Variants in FHIP2B observed in about 807,000 individuals in gnomAD.
The protein encoded by FHIP2B is FHF complex subunit HOOK interacting protein 2B.
A neutral mutation model predicts 84.0 loss-of-function variants in FHIP2B; 72 were observed. The observed-to-expected ratio is 0.86, with a 90% CI of 0.71 to 1.04. FHIP2B has a LOEUF of 1.04. FHIP2B is among the 50% of genes least tolerant of loss of function. FHIP2B has a pLI of 0.00. For synonymous variants in FHIP2B, 497 were observed against 418.7 expected (o/e 1.19, Z -2.28); for missense variants, 972 against 968.9 (o/e 1.00, Z -0.04).
At chr8:22,099,550 C>T (rs958925301) in intron 9 of FHIP2B, among the ~76,000 whole-genome samples, 154 bp from the exon 10 acceptor site, 3 of 152,192 alleles carry the variant, frequency 2.0e-5, no homozygotes, top group African/African-American at 7.2e-5. Flanking sequence ...TAAACGAAGG[C>T]CTCCTACCCT....
At chr8:22,096,764 C>T (rs746098432) in intron 3 of FHIP2B, 3 of 438,148 alleles carry the variant, frequency 6.8e-6, no homozygotes, top group Non-Finnish European at 1.2e-5. Context: ...AGGACGGGCA[C>T]TGTGGCTGTC....
rs200213354 is a variant in FHIP2B at position 22,101,837 on chromosome 8, C to T, written c.1837C>T (p.Arg613Trp). Residue 613 changes from arginine to tryptophan, a missense_variant, in exon 14 of 17, where the codon CGG becomes TGG. Transcript: ENST00000289921. ...FLRVLFDRMS[R>W]ILDQPYSLNL... Reference sequence around the variant, plus strand: ...CCGAGTGCTGTTTGACCGCATGTCCCGGATTCTGGATCAGGTAGCTAGTGG... The same window carrying T: ...CCGAGTGCTGTTTGACCGCATGTCCTGGATTCTGGATCAGGTAGCTAGTGG... The T allele has an allele frequency of 1.1e-4, 175 of 1,613,474 alleles. No individual in the cohort carries two copies. In the Admixed American group the frequency reaches 2.1e-3, roughly 19 times the overall value.
At chr8:22,089,430 G>A in intron 1 of FHIP2B, 132 bp downstream of exon 1, 1 of 367,006 alleles carries the variant, frequency 2.7e-6, no homozygotes, top group Non-Finnish European at 3.8e-6. Flanking sequence ...CCCCCGGGCC[G>A]CGGCGCCCCT....
At position 22,099,700 on chromosome 8, in the gene FHIP2B, GT is replaced by G; in HGVS notation, c.1152-3del. The G allele has an allele frequency of 6.4e-7, 1 of 1,566,508 alleles. No individual in the cohort carries two copies. Among genetic ancestry groups the G allele is most frequent in the Admixed American group, 2.1e-5 (1 of 48,376 alleles). The stretch of plus-strand genomic sequence containing the variant: ...GGCCTGGCTAAGGTGCCCTCTTCCC[GT>G]AGGTCCGAGCAGAGCATCTTGACCT... On this transcript the variant is annotated splice_region_variant and splice_polypyrimidine_tract_variant and intron_variant, in intron 9 of 16. Coordinates refer to ENST00000289921, the MANE Select transcript of FHIP2B (RefSeq NM_022749.7).
At position 22,103,463 on chromosome 8, in the gene FHIP2B, G is replaced by T. The variant is rs1407277474; in HGVS notation, c.*532G>T. On this transcript the variant is annotated 3_prime_UTR_variant, in exon 17 of 17. Transcript: ENST00000289921. Reference sequence around the variant, plus strand: ...AGGAGCAGTGAATGGGATCGTCGGGGAAGCCCCTCTTCCTGCTCTGCTCCC... The same window carrying T: ...AGGAGCAGTGAATGGGATCGTCGGGTAAGCCCCTCTTCCTGCTCTGCTCCC... The T allele has an allele frequency of 6.5e-6, 1 of 152,890 alleles. No individual in the cohort carries two copies. 9.5% of individuals were successfully genotyped at this position (152,890 alleles called of 1,614,324 possible).
chr8:22,096,429 G>T lies in FHIP2B; in HGVS notation c.217G>T (p.Ala73Ser). Residue 73 changes from alanine to serine, a missense_variant, in exon 3 of 17, where the codon GCG (alanine) becomes TCG (serine). Coordinates refer to ENST00000289921, the MANE Select transcript of FHIP2B (RefSeq NM_022749.7). ...GTATGAAGAGCAGCAGCAGGCGGCC[G>T]CGGGTGAGGCAGGGCCCTGCCTGGA... is the stretch of plus-strand genomic sequence containing the variant. The part of the protein sequence containing the change: ...LVYEEQQQAA[A>S]GEAGPCLEYL... 6.4e-7 allele frequency: 1 copy of T among 1,556,040 alleles called. No homozygotes were observed. Among genetic ancestry groups the T allele is most frequent in the Non-Finnish European group, 8.7e-7 (1 of 1,149,792 alleles).
chr8:22,097,931 G>C (rs1825870176), intron 5 of FHIP2B, 92 bp downstream of exon 5: 1 of 1,564,924 alleles, frequency 6.4e-7, no homozygotes, highest in African/African-American at 1.4e-5. Context: ...GCAGAGATCA[G>C]GTACCCGGGA....
chr8:22,098,228 T>C lies in FHIP2B; in HGVS notation c.686T>C (p.Met229Thr), dbSNP rs1458558536. The C allele has an allele frequency of 1.6e-5, 25 of 1,590,166 alleles. No individual in the cohort carries two copies. Among genetic ancestry groups the C allele is most frequent in the Non-Finnish European group, 2.1e-5 (25 of 1,169,202 alleles). Reference sequence around the variant, plus strand: ...GGGGCCCAGGCCTTGAACAGCCACATGCCTGCTGAGACCGAGGAGCTGGAC... The same window carrying C: ...GGGGCCCAGGCCTTGAACAGCCACACGCCTGCTGAGACCGAGGAGCTGGAC... ...SCGAQALNSH[M>T]PAETEELDGG... The change falls in exon 6 of 17, where the codon ATG becomes ACG. Residue 229 changes from methionine to threonine, a missense_variant. Transcript: ENST00000289921.
chr8:22,100,850 G>A lies in FHIP2B; in HGVS notation c.1494G>A (p.Leu498=), dbSNP rs1286973479. 1.2e-6 allele frequency: 2 copies of A among 1,613,732 alleles called. No individual in the cohort carries two copies. The highest frequency in any genetic ancestry group is 1.3e-5 in the African/African-American group (1 of 74,896). Residue 498 remains leucine, a synonymous_variant, in exon 12 of 17, where the codon CTG becomes CTA. Transcript: ENST00000289921. ...EPESYEDTLD[L]EEDPYFTDSF... ...TGCTCTGCCCTGGCCACAGAGACCT[G>A]GAGGAAGACCCCTACTTCACCGACA...
In FHIP2B at chr8:22,102,520, C is replaced by G; in HGVS notation, c.1993-8C>G. On this transcript the variant is annotated splice_region_variant and splice_polypyrimidine_tract_variant and intron_variant, in intron 15 of 16. Coordinates refer to ENST00000289921, the MANE Select transcript of FHIP2B (RefSeq NM_022749.7). The stretch of plus-strand genomic sequence containing the variant: ...CCCCATCTGAGTCCCCTGTGATTCC[C>G]GCTGTAGGTGATCGGGGACTTGATG... 1 of 1,554,276 alleles carries G rather than the reference C, an allele frequency of 6.4e-7. No individual in the cohort carries two copies. The highest frequency in any genetic ancestry group is 8.7e-7 in the Non-Finnish European group (1 of 1,149,100).
At chr8:22,094,404 T>A in intron 1 of FHIP2B, 36 bp from the exon 2 acceptor site, 3 of 1,559,150 alleles carry the variant, frequency 1.9e-6, no homozygotes, top group Non-Finnish European at 2.6e-6. Flanking sequence ...CTGGCCTTTG[T>A]GGCCCCCACT....
Position 22,098,210 on chromosome 8 carries a change from A to G in FHIP2B, c.668A>G (p.Gln223Arg). 1 of 1,583,762 alleles carries G rather than the reference A, an allele frequency of 6.3e-7. No individual in the cohort carries two copies. The highest frequency in any genetic ancestry group is 8.6e-7 in the Non-Finnish European group (1 of 1,165,614). ...PQLDGESCGA[Q>R]ALNSHMPAET... is the part of the protein sequence containing the mutation. ...CTGGACGGGGAGTCCTGTGGGGCCCAGGCCTTGAACAGCCACATGCCTGCT... is the reference window on the plus strand; with the variant it reads ...CTGGACGGGGAGTCCTGTGGGGCCCGGGCCTTGAACAGCCACATGCCTGCT... The change falls in exon 6 of 17, where the codon CAG (glutamine) becomes CGG (arginine). Residue 223 changes from glutamine to arginine, a missense_variant. Transcript: ENST00000289921.
At chr8:22,100,444 C>A (rs1187006427) in intron 10 of FHIP2B, 150 bp from the exon 11 acceptor site, 14 of 801,824 alleles carry the variant, frequency 1.7e-5, no homozygotes, top group Non-Finnish European at 2.3e-5. Flanking sequence ...CCACACCCCC[C>A]AACTACCCCC....
intron 9 of FHIP2B, 132 bp downstream of exon 9, chr8:22,099,492 T>G: frequency 8.8e-7 from 1 of 1,133,448 alleles, no homozygotes. Context: ...TGGGTGATGT[T>G]TGCCAGGCCT....
intron 10 of FHIP2B, chr8:22,100,324 C>T (rs1826034724): frequency 2.4e-6 from 1 of 421,118 alleles, no homozygotes; most frequent in Non-Finnish European, 4.1e-6. Flanking sequence ...TTGATACTCC[C>T]ATTTCTCAGA....
intron 2 of FHIP2B, 105 bp from the exon 3 acceptor site, chr8:22,096,232 C>T: frequency 8.4e-7 from 1 of 1,184,260 alleles, no homozygotes; most frequent in Non-Finnish European, 1.2e-6. Context: ...CCCACCTCTC[C>T]CAGACAGGAC....
intron 8 of FHIP2B, 71 bp from the exon 9 acceptor site, chr8:22,099,213 G>A (rs989276254): frequency 3.3e-5 from 52 of 1,571,104 alleles, no homozygotes; most frequent in Admixed American, 7.4e-5. Flanking sequence ...CAGGCGCCGC[G>A]CAAGAACACG....
intron 1 of FHIP2B, among the ~76,000 whole-genome samples, chr8:22,093,706 G>GTTTTT (rs1328224891): frequency 1.1e-3 from 39 of 36,162 alleles, no homozygotes; most frequent in African/African-American, 1.5e-3. Flanking sequence ...GAAAAGCTTT[G>GTTTTT]TCTTTTTTTT....
chr8:22,095,890 C>T (rs535811994), intron 2 of FHIP2B: 1 of 154,096 alleles, frequency 6.5e-6, no homozygotes, highest in African/African-American at 2.4e-5. Context: ...CTTGCCTTCT[C>T]TGAGTGTCAG....
Sources: allele counts gnomAD v4.1 joint callset (sites outside exome capture counted in the v4.1 genomes callset), GRCh38; gene constraint gnomAD v4.1.1; transcripts MANE v1.5; gene names NCBI Gene and HGNC (gene_info 2026-07-23, HGNC 2026-07-21).